PDGFRL: variants seen among roughly 807,000 people sequenced by gnomAD.
PDGFRL encodes the protein platelet derived growth factor receptor like.
A neutral mutation model predicts 37.2 loss-of-function variants in PDGFRL; 46 were observed. The ratio of observed to expected loss-of-function variants is 1.24; its 90% CI spans 0.98 to 1.58. PDGFRL has a LOEUF of 1.58. Among genes scored for constraint, PDGFRL ranks in the 40% most tolerant of loss-of-function variants. The pLI, the probability that PDGFRL is intolerant of heterozygous loss-of-function variation, is 0.00. For synonymous variants in PDGFRL, 251 were observed against 184.3 expected (o/e 1.36, Z -2.93); for missense variants, 692 against 467.6 (o/e 1.48, Z -4.43).
At chr8:17,610,319 G>A (rs1443768743) in intron 2 of PDGFRL, among the ~76,000 whole-genome samples, 1 of 152,152 alleles carries the variant, frequency 6.6e-6, no homozygotes, top group East Asian at 1.9e-4. Flanking sequence ...TTTATAGTAA[G>A]GGTTGGGCAT....
At chr8:17,633,431 G>C (rs1213645557) in intron 4 of PDGFRL, among the ~76,000 whole-genome samples, 1 of 152,144 alleles carries the variant, frequency 6.6e-6, no homozygotes, top group East Asian at 1.9e-4. Flanking sequence ...TGGAGGCTGA[G>C]GCAGGAGAAT....
Position 17,589,624 on chromosome 8 carries a change from T to A in PDGFRL, c.212T>A (p.Val71Glu), listed in dbSNP as rs1803890235. ...AAGACGCAGTCTATCATGATGCAAG[T>A]GCTGGATAAAGGTCGCTTCCAGAAA... ...APKTQSIMMQVLDKGRFQKPA... is the reference protein window; with the variant it reads ...APKTQSIMMQELDKGRFQKPA... The change falls in exon 2 of 6, where the codon GTG (valine) becomes GAG (glutamate). Residue 71 changes from valine to glutamate, a missense_variant. Physicochemically the swap from Val to Glu is moderately radical, Grantham distance 121. Coordinates refer to ENST00000251630, the MANE Select transcript of PDGFRL (RefSeq NM_001372073.1). The A allele has an allele frequency of 1.9e-6, 3 of 1,613,990 alleles. No individual in the cohort carries two copies. Among genetic ancestry groups the A allele is most frequent in the Non-Finnish European group, 2.5e-6 (3 of 1,179,964 alleles).
At chr8:17,577,936 C>T (rs1456524412) in intron 1 of PDGFRL, among the ~76,000 whole-genome samples, 2 of 151,826 alleles carry the variant, frequency 1.3e-5, no homozygotes, top group African/African-American at 2.4e-5. Context: ...GAAGAAAATG[C>T]ATTTTTTTGG....
chr8:17,596,294 C>G (rs182549745), intron 2 of PDGFRL: 1 of 1,140,930 alleles, frequency 8.8e-7, no homozygotes, highest in Non-Finnish European at 1.1e-6. Context: ...CTGGCCAGAT[C>G]GGCTGCCAGG....
chr8:17,577,263 G>C lies in PDGFRL; in HGVS notation c.11G>C (p.Trp4Ser). The change falls in exon 1 of 6, where the codon TGG becomes TCG. Residue 4 changes from tryptophan (W) to serine (S), a missense_variant. Physicochemically the swap from Trp to Ser is radical, Grantham distance 177 (BLOSUM62 -3). Coordinates refer to ENST00000251630, the MANE Select transcript of PDGFRL (RefSeq NM_001372073.1). MKVWLLLGLLLVHE... is the reference protein window; with the variant it reads MKVSLLLGLLLVHE... The stretch of plus-strand genomic sequence containing the variant: ...TCCGAGGTTCCCGAGATGAAGGTCT[G>C]GCTGCTGCTTGGTCTTCTGCTGGTG... 6.2e-7 allele frequency: 1 copy of C among 1,612,900 alleles called. No individual in the cohort carries two copies. The highest frequency in any genetic ancestry group is 8.5e-7 in the Non-Finnish European group (1 of 1,179,586).
intron 5 of PDGFRL, among the ~76,000 whole-genome samples, chr8:17,641,901 G>GCCCCCCCCCCCCCC (rs1554556556): frequency 1.7e-5 from 2 of 116,234 alleles, no homozygotes; most frequent in Non-Finnish European, 3.5e-5. Context: ...AGAGGTCCCC[G>GCCCCCCCCCCCCCC]CCACATTGCT....
intron 2 of PDGFRL, among the ~76,000 whole-genome samples, chr8:17,617,066 T>A (rs1804545136): frequency 6.6e-6 from 1 of 152,204 alleles, no homozygotes; most frequent in Non-Finnish European, 1.5e-5. Flanking sequence ...AGTCCTCCAC[T>A]GATGGGAGCA....
At chr8:17,580,527 C>T (rs560670565) in intron 1 of PDGFRL, among the ~76,000 whole-genome samples, 1 of 152,046 alleles carries the variant, frequency 6.6e-6, no homozygotes, top group Admixed American at 6.6e-5. Context: ...ATCTGGTGGT[C>T]AGAGGACTGA....
At chr8:17,638,714 A>G (rs1270220967) in intron 5 of PDGFRL, among the ~76,000 whole-genome samples, 3 of 127,508 alleles carry the variant, frequency 2.4e-5, no homozygotes, top group Non-Finnish European at 4.8e-5. Flanking sequence ...TGTTTTATAA[A>G]TTTGGGAGCT....
At chr8:17,621,788 T>C (rs1341732747) in intron 3 of PDGFRL, among the ~76,000 whole-genome samples, 1 of 152,168 alleles carries the variant, frequency 6.6e-6, no homozygotes, top group Non-Finnish European at 1.5e-5. Context: ...TTTTGGAAAC[T>C]CCATAGGATG....
chr8:17,605,231 T>A (rs536853947), intron 2 of PDGFRL, among the ~76,000 whole-genome samples: 21 of 152,298 alleles, frequency 1.4e-4, no homozygotes, highest in South Asian at 8.3e-4. Context: ...GCCGTCCTCA[T>A]TGCCTTCAGA....
At chr8:17,608,055 C>T (rs958482129) in intron 2 of PDGFRL, among the ~76,000 whole-genome samples, 28 of 152,210 alleles carry the variant, frequency 1.8e-4, no homozygotes, top group African/African-American at 6.5e-4. Context: ...TGTCACTTCC[C>T]GTCCTGCATT....
chr8:17,619,704 A>C (rs1481585159), intron 2 of PDGFRL, among the ~76,000 whole-genome samples: 1 of 152,242 alleles, frequency 6.6e-6, no homozygotes, highest in Non-Finnish European at 1.5e-5. Context: ...TGGATATTGC[A>C]TAATGCTGTG....
chr8:17,634,006 G>C, intron 4 of PDGFRL, 68 bp from the exon 5 acceptor site: 1 of 1,442,274 alleles, frequency 6.9e-7, no homozygotes, highest in East Asian at 2.3e-5. Context: ...GGAAAAGAAT[G>C]CATCTGTAGG....
chr8:17,606,041 G>A (rs1441963033), intron 2 of PDGFRL, among the ~76,000 whole-genome samples: 1 of 152,196 alleles, frequency 6.6e-6, no homozygotes, highest in Non-Finnish European at 1.5e-5. Flanking sequence ...CATCTGGAGG[G>A]AGAGTCTGGA....
At chr8:17,623,607 A>G (rs1156232913) in intron 3 of PDGFRL, among the ~76,000 whole-genome samples, 1 of 152,088 alleles carries the variant, frequency 6.6e-6, no homozygotes, top group African/African-American at 2.4e-5. Flanking sequence ...CAGGCATGGT[A>G]GCTCATACCT....
Position 17,639,868 on chromosome 8 carries a change from T to A in PDGFRL, c.940-2745T>A, listed in dbSNP as rs911788567. Among the ~76,000 whole-genome samples the A allele has an allele frequency of 2.7e-4, 41 of 152,222 alleles. 1 individual carries two copies. Among genetic ancestry groups the A allele is most frequent in the African/African-American group, 9.4e-4 (39 of 41,458 alleles). The stretch of plus-strand genomic sequence containing the variant: ...TTTTCTTTGATTACTCCCTCAAATA[T>A]GTCTTTCAAACTTTTAGATTTCTCC... On this transcript the variant is annotated intron_variant, in intron 5 of 5. Coordinates refer to ENST00000251630, the MANE Select transcript of PDGFRL (RefSeq NM_001372073.1).
chr8:17,599,277 AT>A (rs1165999067), intron 2 of PDGFRL, among the ~76,000 whole-genome samples: 2 of 152,158 alleles, frequency 1.3e-5, no homozygotes, highest in Non-Finnish European at 2.9e-5. Context: ...CATATTTGTT[AT>A]CTTTTATCCC....
intron 2 of PDGFRL, among the ~76,000 whole-genome samples, chr8:17,600,667 G>A (rs1477507154): frequency 2.0e-5 from 3 of 151,798 alleles, no homozygotes; most frequent in Non-Finnish European, 4.4e-5. Flanking sequence ...TACAGGTGTG[G>A]TGGTACATGC....
Sources: allele counts gnomAD v4.1 joint callset (sites outside exome capture counted in the v4.1 genomes callset), GRCh38; gene constraint gnomAD v4.1.1; transcripts MANE v1.5; gene names NCBI Gene and HGNC (gene_info 2026-07-23, HGNC 2026-07-21).